Variants in STPG1 observed in about 807,000 individuals in gnomAD.
The protein encoded by STPG1 is sperm tail PG-rich repeat containing 1.
In STPG1, 33 loss-of-function variants were observed where a neutral mutation model predicts 40.1. That is an observed-to-expected ratio of 0.82 (90% CI 0.62 to 1.10). STPG1 has a LOEUF of 1.10. STPG1 is among the 50% of genes least tolerant of loss of function. The probability of loss-of-function intolerance (pLI) is 0.00; values close to 1 mark genes in which losing one functional copy is unlikely to be tolerated. For synonymous variants in STPG1, 150 were observed against 155.0 expected (o/e 0.97, Z 0.24); for missense variants, 396 against 415.1 (o/e 0.95, Z 0.40).
intron 1 of STPG1, among the ~76,000 whole-genome samples, chr1:24,413,440 C>T (rs1643834184): frequency 6.6e-6 from 1 of 152,222 alleles, no homozygotes; most frequent in South Asian, 2.1e-4. Context: ...AGCAGGCAAG[C>T]CCCAGTTGTC....
chr1:24,398,164 T>G (rs1382758341), intron 2 of STPG1, among the ~76,000 whole-genome samples: 3 of 152,132 alleles, frequency 2.0e-5, no homozygotes, highest in Non-Finnish European at 4.4e-5. Flanking sequence ...TTAATTTGCA[T>G]TTCCCTAATG....
At chr1:24,397,262 G>A (rs976911027) in intron 2 of STPG1, among the ~76,000 whole-genome samples, 14 of 152,046 alleles carry the variant, frequency 9.2e-5, no homozygotes, top group Admixed American at 2.6e-4. Flanking sequence ...CATCTCCCTC[G>A]ATAATTTAAA....
Position 24,383,918 on chromosome 1 carries a change from C to G in STPG1, c.275G>C (p.Cys92Ser). 1.2e-6 allele frequency: 2 copies of G among 1,612,486 alleles called. No homozygotes were observed. The highest frequency in any genetic ancestry group is 1.3e-5 in the African/African-American group (1 of 75,028). Residue 92 changes from cysteine to serine, a missense_variant, in exon 4 of 9, where the codon TGC becomes TCC. By Grantham distance (112) the Cys-to-Ser change is moderately radical. Coordinates refer to ENST00000337248, the MANE Select transcript of STPG1 (RefSeq NM_001199013.2). ...GGTTCTCACCATTGAGGGAAACATG[C>G]AAGTTCCTTTCTTGGACAATGAGAC... Reference protein sequence around the residue: ...NSVSLSKKGTCMFPSMCARLD... With the variant: ...NSVSLSKKGTSMFPSMCARLD...
intron 5 of STPG1, among the ~76,000 whole-genome samples, chr1:24,378,395 G>A (rs955996788): frequency 6.6e-6 from 1 of 152,170 alleles, no homozygotes; most frequent in Non-Finnish European, 1.5e-5. Flanking sequence ...CAGCACTTTG[G>A]GAGGCCGAGG....
At chr1:24,381,332 G>A (rs551631263) in intron 4 of STPG1, among the ~76,000 whole-genome samples, 9 of 152,198 alleles carry the variant, frequency 5.9e-5, no homozygotes, top group Admixed American at 6.5e-5. Context: ...ATAAAGTATC[G>A]TAATAGAATT....
At chr1:24,379,428 C>T in intron 5 of STPG1, 1 of 542,472 alleles carries the variant, frequency 1.8e-6, no homozygotes, top group East Asian at 3.2e-5. Flanking sequence ...GCAGTGGCCT[C>T]CCCACAGCTT....
At chr1:24,382,917 C>CT (rs56972835) in intron 4 of STPG1, among the ~76,000 whole-genome samples, 2,161 of 133,442 alleles carry the variant, frequency 0.016, 65 homozygotes, top group South Asian at 0.068. Context: ...TTTCTTTTCA[C>CT]TTTTTTTTTT....
chr1:24,387,589 C>T (rs1642570274), intron 3 of STPG1, among the ~76,000 whole-genome samples: 1 of 152,210 alleles, frequency 6.6e-6, no homozygotes, highest in African/African-American at 2.4e-5. Flanking sequence ...CCAGCTACTT[C>T]ACCCTCTTTT....
At chr1:24,373,835 G>T in intron 5 of STPG1, 25 bp from the exon 6 acceptor site, 1 of 1,468,812 alleles carries the variant, frequency 6.8e-7, no homozygotes, top group Non-Finnish European at 9.5e-7. Flanking sequence ...TACACCCAAT[G>T]TACTCAGTAC....
At chr1:24,410,223 C>T (rs1643563004) in intron 1 of STPG1, among the ~76,000 whole-genome samples, 1 of 152,148 alleles carries the variant, frequency 6.6e-6, no homozygotes, top group African/African-American at 2.4e-5. Context: ...TGGAACATAT[C>T]CCCCTTGAAT....
chr1:24,404,849 A>G (rs1267671639), intron 1 of STPG1, among the ~76,000 whole-genome samples: 2 of 152,062 alleles, frequency 1.3e-5, no homozygotes, highest in African/African-American at 4.8e-5. Flanking sequence ...AGAAAACAGC[A>G]TGTGGTTTTA....
chr1:24,375,354 A>G (rs1641972513), intron 5 of STPG1, among the ~76,000 whole-genome samples: 2 of 152,132 alleles, frequency 1.3e-5, no homozygotes, highest in Admixed American at 6.5e-5. Context: ...TGGGGCCAGG[A>G]TGGTTTGATT....
chr1:24,374,713 C>T (rs192049569), intron 5 of STPG1, among the ~76,000 whole-genome samples: 1 of 152,246 alleles, frequency 6.6e-6, no homozygotes, highest in Non-Finnish European at 1.5e-5. Context: ...CAACCTCTGC[C>T]TCCCGGGCTT....
chr1:24,396,533 C>G (rs1234835788), intron 2 of STPG1, among the ~76,000 whole-genome samples: 1 of 152,140 alleles, frequency 6.6e-6, no homozygotes, highest in Non-Finnish European at 1.5e-5. Context: ...CTATTCAGTG[C>G]TGCCATTATG....
chr1:24,358,607 G>A lies in STPG1; in HGVS notation c.941C>T (p.Pro314Leu). Reference protein sequence around the residue: ...PGLPGPATYKPELPGKQSFLY... With the variant: ...PGLPGPATYKLELPGKQSFLY... ...GAAGGACTGCTTTCCTGGAAGCTCT[G>A]GCTTGTACGTAGCTGTGAGGGGACA... The change falls in exon 9 of 9, where the codon CCA becomes CTA. Residue 314 changes from proline to leucine, a missense_variant. Physicochemically the swap from Pro to Leu is moderately conservative, Grantham distance 98. Transcript: ENST00000337248. 6.2e-7 allele frequency: 1 copy of A among 1,613,796 alleles called. No homozygotes were observed.
At chr1:24,414,064 GAC>G (rs987678498), upstream of STPG1, 2 of 150,228 alleles carry the variant, frequency 1.3e-5, no homozygotes, top group Non-Finnish European at 3.0e-5. Flanking sequence ...TTTTTTTTGA[GAC>G]AGAGTCTCGC....
In STPG1 at chr1:24,358,171, T is replaced by C. The variant is rs1267651406; in HGVS notation, c.*372A>G. 4 of 501,702 alleles carry C rather than the reference T, an allele frequency of 8.0e-6. No homozygotes were observed. In the East Asian group the frequency reaches 2.2e-4, roughly 28 times the overall value. The allele number at this position is 501,702 out of a possible 1,614,324, so 31.1% of individuals were successfully genotyped here. On this transcript the variant is annotated 3_prime_UTR_variant, in exon 9 of 9. Transcript: ENST00000337248. ...GGTGGGGCTTCCAGGCTTGGCCACC[T>C]TCAGGGTGGACTGATCCTCCTTGAA... is the stretch of plus-strand genomic sequence containing the variant.
chr1:24,404,759 T>C (rs1643352793), intron 1 of STPG1, among the ~76,000 whole-genome samples: 1 of 152,208 alleles, frequency 6.6e-6, no homozygotes, highest in African/African-American at 2.4e-5. Flanking sequence ...CCCTACTTCA[T>C]TCCTGATATT....
chr1:24,409,775 G>A (rs1015463798), intron 1 of STPG1, among the ~76,000 whole-genome samples: 1 of 152,136 alleles, frequency 6.6e-6, no homozygotes, highest in Non-Finnish European at 1.5e-5. Context: ...CATCTCGATT[G>A]TCAGATCCAC....
Sources: allele counts gnomAD v4.1 joint callset (sites outside exome capture counted in the v4.1 genomes callset), GRCh38; gene constraint gnomAD v4.1.1; transcripts MANE v1.5; gene names NCBI Gene and HGNC (gene_info 2026-07-23, HGNC 2026-07-21).